The following DDC variants were observed in gnomAD, a reference collection of about 807,000 sequenced individuals.
DDC encodes aromatic-L-amino-acid decarboxylase.
DDC carries 43 observed loss-of-function variants against 60.0 expected under a neutral mutation model. That is an observed-to-expected ratio of 0.72 (90% CI 0.56 to 0.92). DDC has a LOEUF of 0.92. Ranked by LOEUF, DDC falls within the 40% of genes least tolerant of loss-of-function variation. DDC has a pLI of 0.00. For missense variants in DDC, 573 were observed against 620.2 expected (o/e 0.92, Z 0.81); for synonymous variants, 232 against 234.6 (o/e 0.99, Z 0.10).
chr7:50,463,351 C>T lies in DDC; in HGVS notation c.1323G>A (p.Arg441=). 6.2e-7 allele frequency: 1 copy of T among 1,614,190 alleles called. No individual in the cohort carries two copies. The highest frequency in any genetic ancestry group is 8.5e-7 in the Non-Finnish European group (1 of 1,180,030). ...TGGCAAAGCGCAGGACAAACTTGTC[C>T]CTGAGGTGACATGGAACCAAGTGGA... The part of the protein sequence containing the change: ...KKIHLVPCHL[R]DKFVLRFAIC... The change falls in exon 14 of 15, where the codon AGG becomes AGA. Residue 441 remains arginine (R), a synonymous_variant. Transcript: ENST00000444124.
At chr7:50,548,393 G>C (rs2044875276) in intron 1 of DDC, among the ~76,000 whole-genome samples, 1 of 152,186 alleles carries the variant, frequency 6.6e-6, no homozygotes, top group African/African-American at 2.4e-5. Context: ...CAATGGAAAA[G>C]TTATTGAAGG....
intron 1 of DDC, among the ~76,000 whole-genome samples, chr7:50,558,158 A>G (rs865794122): frequency 4.0e-5 from 6 of 151,706 alleles, no homozygotes; most frequent in Middle Eastern, 3.4e-3. Flanking sequence ...ATAGTTCACA[A>G]GAGATCATAA....
chr7:50,500,338 T>C (rs955889965), intron 7 of DDC, among the ~76,000 whole-genome samples: 17 of 152,130 alleles, frequency 1.1e-4, no homozygotes, highest in African/African-American at 3.9e-4. Flanking sequence ...CTGACCTCAT[T>C]ACCACTGGAA....
intron 6 of DDC, among the ~76,000 whole-genome samples, chr7:50,516,438 G>A (rs987084166): frequency 1.3e-5 from 2 of 152,134 alleles, no homozygotes. Context: ...GATGCTAAGA[G>A]GAAAATTTAT....
intron 9 of DDC, among the ~76,000 whole-genome samples, chr7:50,484,901 C>T (rs936150466): frequency 9.2e-5 from 14 of 152,196 alleles, no homozygotes; most frequent in Admixed American, 7.8e-4. Context: ...GTCCCAATAA[C>T]ATCCATAAAA....
At chr7:50,520,936 T>C (rs953578380) in intron 6 of DDC, among the ~76,000 whole-genome samples, 10 of 81,022 alleles carry the variant, frequency 1.2e-4, no homozygotes, top group South Asian at 3.7e-4. Flanking sequence ...AATAAATAAA[T>C]AAATAAATGC....
At chr7:50,539,724 C>T in intron 3 of DDC, 191 bp downstream of exon 3, 1 of 592,374 alleles carries the variant, frequency 1.7e-6, no homozygotes, top group Non-Finnish European at 3.1e-6. Flanking sequence ...GAGACTTTCT[C>T]TGTTCTCAAT....
chr7:50,556,356 G>A (rs1038027482), intron 1 of DDC, among the ~76,000 whole-genome samples: 2 of 152,168 alleles, frequency 1.3e-5, no homozygotes, highest in Admixed American at 1.3e-4. Flanking sequence ...GGTGAAAGGG[G>A]TGATGGGTCT....
At chr7:50,505,287 G>A (rs1014532584) in intron 6 of DDC, among the ~76,000 whole-genome samples, 3 of 152,200 alleles carry the variant, frequency 2.0e-5, no homozygotes, top group African/African-American at 7.2e-5. Context: ...AATTGAAACA[G>A]CTCTCTCCAA....
intron 6 of DDC, among the ~76,000 whole-genome samples, chr7:50,510,238 G>T (rs947686922): frequency 1.3e-5 from 2 of 152,088 alleles, no homozygotes; most frequent in Admixed American, 1.3e-4. Context: ...GCCTCCCAAA[G>T]TGCTGAGATT....
intron 9 of DDC, among the ~76,000 whole-genome samples, chr7:50,494,497 C>G (rs1380542370): frequency 1.3e-5 from 2 of 150,816 alleles, no homozygotes; most frequent in Non-Finnish European, 2.9e-5. Flanking sequence ...GAATGAGACA[C>G]TGTCTCAAAA....
At chr7:50,488,596 A>C (rs1156552462) in intron 9 of DDC, among the ~76,000 whole-genome samples, 1 of 151,884 alleles carries the variant, frequency 6.6e-6, no homozygotes, top group Non-Finnish European at 1.5e-5. Context: ...TGTGTAAGTC[A>C]TAATAAGGTT....
At chr7:50,538,635 A>G (rs1369812001) in intron 3 of DDC, among the ~76,000 whole-genome samples, 1 of 152,204 alleles carries the variant, frequency 6.6e-6, no homozygotes, top group Non-Finnish European at 1.5e-5. Context: ...CAGCTCTACC[A>G]GGAGCCTATG....
chr7:50,474,477 G>A (rs11771818), intron 11 of DDC, among the ~76,000 whole-genome samples: 11,968 of 152,286 alleles, frequency 0.079, 619 homozygotes, highest in South Asian at 0.14. Context: ...CAGAAGAACA[G>A]GCTGGGGAAG....
At chr7:50,505,595 G>A (rs185222535) in intron 6 of DDC, among the ~76,000 whole-genome samples, 1 of 152,230 alleles carries the variant, frequency 6.6e-6, no homozygotes, top group African/African-American at 2.4e-5. Flanking sequence ...TTTAGAGAGA[G>A]ACAAAGTGTT....
chr7:50,533,580 C>T (rs1444451962), intron 4 of DDC, among the ~76,000 whole-genome samples: 2 of 152,156 alleles, frequency 1.3e-5, no homozygotes, highest in Admixed American at 6.5e-5. Context: ...CAGGCGTGAG[C>T]CACCACACCA....
intron 4 of DDC, among the ~76,000 whole-genome samples, chr7:50,529,831 G>A (rs1009893119): frequency 1.3e-5 from 2 of 152,142 alleles, no homozygotes; most frequent in African/African-American, 4.8e-5. Flanking sequence ...AATGACACGG[G>A]CTGAATTGTG....
intron 6 of DDC, among the ~76,000 whole-genome samples, chr7:50,526,635 A>G (rs564699793): frequency 6.6e-6 from 1 of 152,354 alleles, no homozygotes; most frequent in African/African-American, 2.4e-5. Flanking sequence ...AACTACCTTG[A>G]GTGTAAATGA....
At chr7:50,489,744 ATAAAT>A (rs1245319712) in intron 9 of DDC, among the ~76,000 whole-genome samples, 1 of 152,360 alleles carries the variant, frequency 6.6e-6, no homozygotes, top group African/African-American at 2.4e-5. Context: ...TAGTTTCTCT[ATAAAT>A]TAAACACTAA....
Sources: allele counts gnomAD v4.1 joint callset (sites outside exome capture counted in the v4.1 genomes callset), GRCh38; gene constraint gnomAD v4.1.1; transcripts MANE v1.5; gene names NCBI Gene and HGNC (gene_info 2026-07-23, HGNC 2026-07-21).